Variants in C12orf42 observed in about 807,000 individuals in gnomAD.
C12orf42 encodes the protein uncharacterized protein C12orf42.
In C12orf42, 25 loss-of-function variants were observed where a neutral mutation model predicts 21.6. The observed-to-expected ratio is 1.16, with a 90% CI of 0.84 to 1.62. C12orf42 has a LOEUF of 1.62. Ranked by LOEUF, C12orf42 falls within the 40% of genes most tolerant of loss-of-function variation. C12orf42 has a pLI of 0.00. For missense variants in C12orf42, 483 were observed against 459.3 expected, an observed-to-expected ratio of 1.05 and a Z score of -0.47; for synonymous variants, 174 against 175.0, an observed-to-expected ratio of 0.99 and a Z score of 0.05.
chr12:103,193,761 AT>A, the C12orf42 span, among the ~76,000 whole-genome samples: 297 of 152,224 alleles, frequency 2.0e-3, 1 homozygote, highest in Non-Finnish European at 2.6e-3. Context: ...TCTACCAAAG[AT>A]TTTTTAAAAA....
At chr12:103,244,241 G>A (rs2033902411) in intron 10 of C12orf42, among the ~76,000 whole-genome samples, 3 of 152,198 alleles carry the variant, frequency 2.0e-5, no homozygotes, top group South Asian at 4.2e-4. Flanking sequence ...GGCTTGGGCT[G>A]ATGTCAACCT....
At chr12:103,209,939 TA>T in the C12orf42 span, among the ~76,000 whole-genome samples, 5 of 152,184 alleles carry the variant, frequency 3.3e-5, no homozygotes, top group African/African-American at 1.2e-4. Flanking sequence ...CATAGTTTAA[TA>T]AGATAAATGG....
At chr12:103,461,910 G>C (rs1157976566) in intron 2 of C12orf42, among the ~76,000 whole-genome samples, 1 of 151,842 alleles carries the variant, frequency 6.6e-6, no homozygotes, top group Admixed American at 6.6e-5. Context: ...GTTGCAAAGT[G>C]CTATGCAAAT....
intron 2 of C12orf42, among the ~76,000 whole-genome samples, chr12:103,477,291 A>T (rs887734279): frequency 6.6e-6 from 1 of 152,162 alleles, no homozygotes; most frequent in African/African-American, 2.4e-5. Flanking sequence ...AAAGTATTGG[A>T]GTAAGCCATA....
At chr12:103,247,430 A>T (rs1465666133) in intron 10 of C12orf42, among the ~76,000 whole-genome samples, 3 of 152,060 alleles carry the variant, frequency 2.0e-5, no homozygotes, top group Non-Finnish European at 4.4e-5. Context: ...TTTATATGTA[A>T]TGAGATATTG....
the C12orf42 span, among the ~76,000 whole-genome samples, chr12:103,193,245 G>C: frequency 6.6e-6 from 1 of 151,154 alleles, no homozygotes; most frequent in African/African-American, 2.4e-5. Context: ...GCAATATTAA[G>C]AGAAAATTTA....
chr12:103,069,122 T>A, the C12orf42 span, among the ~76,000 whole-genome samples: 2 of 151,074 alleles, frequency 1.3e-5, no homozygotes, highest in Non-Finnish European at 1.5e-5. Context: ...ATTTTACTAA[T>A]CCTCTTTTCT....
chr12:103,322,098 TGCACGCGCGTGCGTGC>T (rs1029895365), intron 4 of C12orf42, among the ~76,000 whole-genome samples: 41 of 127,742 alleles, frequency 3.2e-4, no homozygotes, highest in South Asian at 5.5e-4. Flanking sequence ...TTCTCAGATG[TGCACGCGCGTGCGTGC>T]GCGCGCGCGC....
the C12orf42 span, among the ~76,000 whole-genome samples, chr12:103,175,802 C>T: frequency 2.6e-5 from 4 of 152,048 alleles, no homozygotes; most frequent in African/African-American, 9.7e-5. Flanking sequence ...GCAAGGTGAC[C>T]GGGCACCATG....
chr12:103,200,255 C>G, the C12orf42 span, among the ~76,000 whole-genome samples: 2 of 152,034 alleles, frequency 1.3e-5, no homozygotes, highest in African/African-American at 4.8e-5. Context: ...ACATGACACC[C>G]CTTATATGAT....
chr12:103,148,860 A>G, the C12orf42 span, among the ~76,000 whole-genome samples: 74 of 152,314 alleles, frequency 4.9e-4, no homozygotes, highest in Admixed American at 3.4e-3. Flanking sequence ...AAACTCTAGA[A>G]CAAGCTCCCT....
intron 2 of C12orf42, among the ~76,000 whole-genome samples, chr12:103,434,252 A>T (rs1950486051): frequency 6.6e-6 from 1 of 152,180 alleles, no homozygotes; most frequent in Non-Finnish European, 1.5e-5. Context: ...CTAGATCATG[A>T]GCCATCTCTA....
chr12:103,048,520 G>T, the C12orf42 span, among the ~76,000 whole-genome samples: 1 of 152,044 alleles, frequency 6.6e-6, no homozygotes, highest in African/African-American at 2.4e-5. Flanking sequence ...CATGATCTCA[G>T]ATCTGATTTT....
At chr12:103,118,772 T>TAAAAAAAAAAAAAAAAAAAA in the C12orf42 span, among the ~76,000 whole-genome samples, 1 of 41,658 alleles carries the variant, frequency 2.4e-5, no homozygotes, top group African/African-American at 9.2e-5. Context: ...CACTCCAGCC[T>TAAAAAAAAAAAAAAAAAAAA]AAAAAAAAAA....
intron 1 of C12orf42, among the ~76,000 whole-genome samples, chr12:103,486,798 G>C (rs1954862733): frequency 6.6e-6 from 1 of 152,152 alleles, no homozygotes; most frequent in African/African-American, 2.4e-5. Context: ...TGTGGGATCA[G>C]TGGTGATATC....
chr12:103,246,557 C>T (rs1262486596), intron 10 of C12orf42, among the ~76,000 whole-genome samples: 13 of 151,896 alleles, frequency 8.6e-5, no homozygotes, highest in Admixed American at 7.2e-4. Context: ...CACTGTTTGC[C>T]GACAGTGTGG....
chr12:103,462,191 T>C (rs1952780822), intron 2 of C12orf42, among the ~76,000 whole-genome samples: 1 of 137,670 alleles, frequency 7.3e-6, no homozygotes. Flanking sequence ...CACTGCAACC[T>C]CCGCCTCCCA....
In C12orf42 at chr12:103,416,994, A is replaced by G. The variant is rs966554823; in HGVS notation, c.79-15319T>C. On this transcript the variant is annotated intron_variant, in intron 2 of 5. Coordinates refer to ENST00000548883, the MANE Select transcript of C12orf42 (RefSeq NM_198521.5). ...TTATTTTCAAACATGGACTTTGATA[A>G]TTGTGTCTTCTCTCCATACCTTCCC... Among the ~76,000 whole-genome samples the G allele has an allele frequency of 4.6e-5, 7 of 152,204 alleles. 1 individual carries two copies. The highest frequency in any genetic ancestry group is 1.0e-4 in the Non-Finnish European group (7 of 68,014).
chr12:103,082,208 C>T, the C12orf42 span, among the ~76,000 whole-genome samples: 8 of 152,208 alleles, frequency 5.3e-5, no homozygotes, highest in Non-Finnish European at 1.2e-4. Context: ...TTCAATGGCA[C>T]ATGCTAATGT....
Sources: gnomAD v4.1 joint callset for allele counts (sites outside exome capture counted in the v4.1 genomes callset) on GRCh38, gnomAD v4.1.1 for gene constraint, MANE v1.5 for transcripts, NCBI Gene and HGNC (gene_info 2026-07-23, HGNC 2026-07-21) for gene names.